The following CELF1 variants were observed in gnomAD, a reference collection of about 807,000 sequenced individuals.
CELF1 encodes the protein CUGBP Elav-like family member 1, also known as 50 kDa nuclear polyadenylated RNA-binding protein.
A neutral mutation model predicts 61.8 loss-of-function variants in CELF1; 10 were observed. The ratio of observed to expected loss-of-function variants is 0.16; its 90% CI spans 0.10 to 0.27. The LOEUF is 0.27. Among genes scored for constraint, CELF1 ranks in the 10% least tolerant of loss-of-function variants. CELF1 has a pLI of 1.00. For synonymous variants in CELF1, 236 were observed against 225.1 expected (o/e 1.05, Z -0.43); for missense variants, 380 against 639.1 (o/e 0.59, Z 4.37).
chr11:47,551,501 T>C (rs1323032059), intron 1 of CELF1, among the ~76,000 whole-genome samples: 2 of 152,242 alleles, frequency 1.3e-5, no homozygotes, highest in South Asian at 2.1e-4. Flanking sequence ...AGTTTGTGCA[T>C]GCTATTGTAA....
intron 2 of CELF1, among the ~76,000 whole-genome samples, chr11:47,563,801 T>C (rs1227671382): frequency 6.7e-6 from 1 of 149,636 alleles, no homozygotes; most frequent in Non-Finnish European, 1.5e-5. Context: ...GGGACGGATC[T>C]CCTCAGGTCA....
At chr11:47,473,557 ACAG>A (rs1393556378) in intron 13 of CELF1, among the ~76,000 whole-genome samples, 5 of 152,194 alleles carry the variant, frequency 3.3e-5, no homozygotes, top group Admixed American at 1.3e-4. Flanking sequence ...AGAGAGGAAC[ACAG>A]AAGAGGAGGT....
At chr11:47,531,764 T>C (rs1033079056) in intron 1 of CELF1, among the ~76,000 whole-genome samples, 7 of 152,230 alleles carry the variant, frequency 4.6e-5, no homozygotes, top group African/African-American at 1.7e-4. Flanking sequence ...TGATATTCTT[T>C]AGCTCAAAAT....
At chr11:47,531,798 G>A (rs767702899) in intron 1 of CELF1, among the ~76,000 whole-genome samples, 1 of 152,104 alleles carries the variant, frequency 6.6e-6, no homozygotes, top group Non-Finnish European at 1.5e-5. Flanking sequence ...TAAGCACATT[G>A]TAAAGTACTT....
At chr11:47,487,020 C>A in intron 5 of CELF1, 139 bp downstream of exon 5, 1 of 769,898 alleles carries the variant, frequency 1.3e-6, no homozygotes, top group East Asian at 2.5e-5. Flanking sequence ...GAACTGCTCC[C>A]TTTATGTCTT....
At chr11:47,563,941 G>T (rs1222558452) in intron 2 of CELF1, among the ~76,000 whole-genome samples, 3 of 151,780 alleles carry the variant, frequency 2.0e-5, no homozygotes, top group African/African-American at 7.3e-5. Context: ...GGAGGCAGAG[G>T]TTGCAGTGAG....
chr11:47,559,020 T>C (rs1034449220), intron 2 of CELF1, among the ~76,000 whole-genome samples: 9 of 143,146 alleles, frequency 6.3e-5, no homozygotes, highest in African/African-American at 2.3e-4. Flanking sequence ...ATATGTTATA[T>C]ATAATATATA....
chr11:47,497,178 C>T (rs1239086709), intron 3 of CELF1, among the ~76,000 whole-genome samples: 1 of 152,122 alleles, frequency 6.6e-6, no homozygotes, highest in African/African-American at 2.4e-5. Context: ...GAAAAGTAAT[C>T]AATGAGCAGT....
intron 1 of CELF1, among the ~76,000 whole-genome samples, chr11:47,504,483 T>C: frequency 6.6e-6 from 1 of 151,502 alleles, no homozygotes; most frequent in Admixed American, 6.6e-5. Flanking sequence ...GAGGCTGAAG[T>C]GGGAGGATCA....
chr11:47,521,304 T>C (rs2153654601), intron 1 of CELF1, among the ~76,000 whole-genome samples: 1 of 152,264 alleles, frequency 6.6e-6, no homozygotes, highest in Admixed American at 6.5e-5. Flanking sequence ...TTGATGGTGA[T>C]CTGCAAAACC....
chr11:47,541,793 C>CGAAAGAAAGAAAGAAA (rs1177250671), intron 1 of CELF1, among the ~76,000 whole-genome samples: 11 of 13,832 alleles, frequency 8.0e-4, no homozygotes, highest in African/African-American at 1.5e-3. Context: ...AAAGAAAGAA[C>CGAAAGAAAGAAAGAAA]GAAAGAAAGA....
At chr11:47,521,002 A>G (rs1225673663) in intron 1 of CELF1, among the ~76,000 whole-genome samples, 1 of 152,244 alleles carries the variant, frequency 6.6e-6, no homozygotes, top group East Asian at 1.9e-4. Context: ...CTGTAATCCC[A>G]GCACTCTGGG....
chr11:47,522,444 C>T (rs1284524363), intron 1 of CELF1, among the ~76,000 whole-genome samples: 16 of 151,132 alleles, frequency 1.1e-4, no homozygotes, highest in East Asian at 4.0e-4. Context: ...CAGGAGAACC[C>T]GGGAGGCAGA....
chr11:47,514,692 C>CAAAA (rs34636337), intron 1 of CELF1, among the ~76,000 whole-genome samples: 14 of 106,008 alleles, frequency 1.3e-4, no homozygotes, highest in East Asian at 2.8e-4. Context: ...CCTATCTCTA[C>CAAAA]AAAAAAAAAA....
intron 6 of CELF1, among the ~76,000 whole-genome samples, chr11:47,484,922 C>A (rs982841825): frequency 6.6e-6 from 1 of 151,952 alleles, no homozygotes; most frequent in Non-Finnish European, 1.5e-5. Flanking sequence ...AGGTGATCCA[C>A]CCGCCTCGGC....
chr11:47,511,252 G>C (rs2095133695), intron 1 of CELF1, among the ~76,000 whole-genome samples: 1 of 152,122 alleles, frequency 6.6e-6, no homozygotes, highest in African/African-American at 2.4e-5. Flanking sequence ...CTTAAAAGCA[G>C]AACTGTTTTT....
intron 10 of CELF1, chr11:47,477,708 T>C (rs1164204764): frequency 9.7e-6 from 3 of 308,328 alleles, no homozygotes; most frequent in African/African-American, 6.4e-5. Context: ...AAAAACTGCC[T>C]ACCATAGGGC....
intron 1 of CELF1, among the ~76,000 whole-genome samples, chr11:47,542,138 G>A (rs1354484883): frequency 6.6e-6 from 1 of 152,170 alleles, no homozygotes; most frequent in Non-Finnish European, 1.5e-5. Flanking sequence ...GGGAGGCCGA[G>A]GCAGGTGGAT....
intron 2 of CELF1, among the ~76,000 whole-genome samples, chr11:47,558,565 TAATATATAAATA>T (rs2097213701): frequency 1.9e-5 from 2 of 106,486 alleles, no homozygotes; most frequent in Admixed American, 1.3e-4. Context: ...TATTTATATA[TAATATATAAATA>T]TATATATATA....
Sources: allele counts gnomAD v4.1 joint callset (sites outside exome capture counted in the v4.1 genomes callset), GRCh38; gene constraint gnomAD v4.1.1; transcripts MANE v1.5; gene names NCBI Gene and HGNC (gene_info 2026-07-23, HGNC 2026-07-21).